The following ANKS1B variants were observed in gnomAD, a reference collection of about 807,000 sequenced individuals.
ANKS1B encodes ankyrin repeat and sterile alpha motif domain-containing protein 1B.
A neutral mutation model predicts 148.3 loss-of-function variants in ANKS1B; 36 were observed. The observed-to-expected ratio is 0.24, with a 90% CI of 0.19 to 0.32. The LOEUF is 0.32. ANKS1B is among the 10% of genes least tolerant of loss of function. The probability of loss-of-function intolerance (pLI) is 1.00; values close to 1 mark genes in which losing one functional copy is unlikely to be tolerated. For missense variants in ANKS1B, 1,157 were observed against 1,542.6 expected, an observed-to-expected ratio of 0.75 and a Z score of 4.19; for synonymous variants, 542 against 560.8, an observed-to-expected ratio of 0.97 and a Z score of 0.47.
At chr12:99,864,338 T>A (rs1012542610) in intron 1 of ANKS1B, among the ~76,000 whole-genome samples, 1 of 152,120 alleles carries the variant, frequency 6.6e-6, no homozygotes, top group African/African-American at 2.4e-5. Context: ...ATATTTAAAA[T>A]CTTTTAGCCA....
chr12:99,457,537 C>T (rs116377914), intron 10 of ANKS1B, among the ~76,000 whole-genome samples: 292 of 151,972 alleles, frequency 1.9e-3, no homozygotes, highest in African/African-American at 6.5e-3. Context: ...AGAGAGTCAC[C>T]CAACACATAA....
intron 17 of ANKS1B, among the ~76,000 whole-genome samples, chr12:98,970,890 G>A (rs1405607635): frequency 6.6e-6 from 1 of 152,136 alleles, no homozygotes; most frequent in African/African-American, 2.4e-5. Flanking sequence ...GTTTGAAAAG[G>A]ATCTGTTAAT....
chr12:99,483,261 A>G (rs556586287), intron 10 of ANKS1B, among the ~76,000 whole-genome samples: 8 of 151,786 alleles, frequency 5.3e-5, no homozygotes, highest in African/African-American at 1.9e-4. Flanking sequence ...AGATGATCAT[A>G]TCATTTTTGT....
At chr12:99,797,199 T>C (rs7973645) in intron 4 of ANKS1B, among the ~76,000 whole-genome samples, 98,202 of 151,686 alleles carry the variant, frequency 0.65, 32,022 homozygotes, top group African/African-American at 0.71. Context: ...ATTAGAAAAA[T>C]TTAAGAATAT....
intron 8 of ANKS1B, among the ~76,000 whole-genome samples, chr12:99,771,702 T>C (rs910138130): frequency 3.3e-5 from 5 of 152,088 alleles, no homozygotes; most frequent in African/African-American, 9.7e-5. Context: ...CAACTGTTCA[T>C]AGTTATTCAT....
At chr12:98,763,316 G>C (rs956901542) in intron 25 of ANKS1B, among the ~76,000 whole-genome samples, 1 of 152,166 alleles carries the variant, frequency 6.6e-6, no homozygotes, top group Non-Finnish European at 1.5e-5. Context: ...GTTCTCTCAA[G>C]TACCAGCCAG....
chr12:99,420,995 G>C lies in ANKS1B; in HGVS notation c.1576-21184C>G, dbSNP rs1199502579. On this transcript the variant is annotated intron_variant, in intron 11 of 26. Transcript: ENST00000683438. ...GAATTGGATTCAGATCCTAATGTCG[G>C]TATTTACAGTTTAGTATTTGCATTC... 2.6e-5 allele frequency among the ~76,000 whole-genome samples: 4 copies of C among 152,170 alleles called. No individual in the cohort carries two copies. In the South Asian group the frequency reaches 8.3e-4, roughly 31 times the overall value.
Position 99,399,764 on chromosome 12 carries a change from C to A in ANKS1B, c.1623G>T (p.Met541Ile). ...TTTCAAAATATTCTTGGTTGTGATT[C>A]ATTCGGTGAAAATCCAGAGAAGACA... ...SIVSSLDFHR[M>I]NHNQEYFEIN... The change falls in exon 12 of 27, where the codon ATG (methionine) becomes ATT (isoleucine). Residue 541 changes from methionine (M) to isoleucine (I), a missense_variant. By Grantham distance (10) the Met-to-Ile change is conservative (BLOSUM62 1). Coordinates refer to ENST00000683438, the MANE Select transcript of ANKS1B (RefSeq NM_001352186.2). 6.2e-7 allele frequency: 1 copy of A among 1,613,404 alleles called. No individual in the cohort carries two copies. The highest frequency in any genetic ancestry group is 8.5e-7 in the Non-Finnish European group (1 of 1,179,480).
At chr12:99,790,524 G>A (rs1313727539) in intron 4 of ANKS1B, among the ~76,000 whole-genome samples, 2 of 151,880 alleles carry the variant, frequency 1.3e-5, no homozygotes, top group Non-Finnish European at 1.5e-5. Context: ...ACTAAACAAT[G>A]AACCAAAAAA....
intron 12 of ANKS1B, among the ~76,000 whole-genome samples, chr12:99,369,831 TAGAC>T (rs200225847): frequency 0.018 from 2,649 of 146,612 alleles, 21 homozygotes; most frequent in Middle Eastern, 0.042. Context: ...GACGGACGGA[TAGAC>T]AGACAGACAG....
intron 17 of ANKS1B, among the ~76,000 whole-genome samples, chr12:99,027,011 T>G (rs545762383): frequency 6.6e-6 from 1 of 152,316 alleles, no homozygotes. Context: ...ATGAGTACTC[T>G]CTAATTTACA....
At chr12:99,138,131 G>A (rs886121669) in intron 15 of ANKS1B, among the ~76,000 whole-genome samples, 2 of 152,092 alleles carry the variant, frequency 1.3e-5, no homozygotes, top group African/African-American at 4.8e-5. Flanking sequence ...CTAAGCAAAT[G>A]TTTCTTTGTT....
At chr12:98,989,212 T>C (rs1186178280) in intron 17 of ANKS1B, among the ~76,000 whole-genome samples, 2 of 152,206 alleles carry the variant, frequency 1.3e-5, no homozygotes, top group Non-Finnish European at 2.9e-5. Flanking sequence ...CTTTCTCCTA[T>C]GTTTTCTTCT....
chr12:99,019,176 T>A (rs2099944290), intron 17 of ANKS1B, among the ~76,000 whole-genome samples: 1 of 152,200 alleles, frequency 6.6e-6, no homozygotes, highest in African/African-American at 2.4e-5. Flanking sequence ...GAGTTTTCTA[T>A]TCAACATTGG....
chr12:99,159,367 T>C (rs2076405323), intron 14 of ANKS1B, among the ~76,000 whole-genome samples: 1 of 152,096 alleles, frequency 6.6e-6, no homozygotes, highest in African/African-American at 2.4e-5. Flanking sequence ...TTTCATACAT[T>C]GTCCCCCTCC....
intron 19 of ANKS1B, among the ~76,000 whole-genome samples, chr12:98,818,936 G>A (rs569694467): frequency 6.6e-6 from 1 of 152,276 alleles, no homozygotes; most frequent in Non-Finnish European, 1.5e-5. Context: ...ACAAGGTGCA[G>A]TTGAACAATC....
At chr12:99,763,254 C>T (rs1481160177) in intron 8 of ANKS1B, among the ~76,000 whole-genome samples, 3 of 152,168 alleles carry the variant, frequency 2.0e-5, no homozygotes, top group South Asian at 4.1e-4. Context: ...TATCCATCAA[C>T]GGTGGACTAG....
chr12:99,203,252 C>G (rs931836682), intron 14 of ANKS1B, among the ~76,000 whole-genome samples: 1 of 152,144 alleles, frequency 6.6e-6, no homozygotes, highest in Non-Finnish European at 1.5e-5. Flanking sequence ...AGTCCTACCT[C>G]TTTTGCGTTG....
At chr12:99,113,538 T>G (rs1414282930) in intron 15 of ANKS1B, among the ~76,000 whole-genome samples, 1 of 152,240 alleles carries the variant, frequency 6.6e-6, no homozygotes, top group Admixed American at 6.5e-5. Flanking sequence ...GGACTAAATA[T>G]ATACGATTCA....
Sources: gnomAD v4.1 joint callset for allele counts (sites outside exome capture counted in the v4.1 genomes callset) on GRCh38, gnomAD v4.1.1 for gene constraint, MANE v1.5 for transcripts, NCBI Gene and HGNC (gene_info 2026-07-23, HGNC 2026-07-21) for gene names.